The following CSMD1 variants were observed in gnomAD, a reference collection of about 807,000 sequenced individuals.
CSMD1 encodes CUB and sushi domain-containing protein 1.
In CSMD1, 213 loss-of-function variants were observed where a neutral mutation model predicts 417.5. The observed-to-expected ratio is 0.51, with a 90% CI of 0.46 to 0.57. The LOEUF is 0.57. CSMD1 is among the 20% of genes least tolerant of loss of function. The pLI, the probability that CSMD1 is intolerant of heterozygous loss-of-function variation, is 0.00. For missense variants in CSMD1, 6,923 were observed against 4,529.7 expected, an observed-to-expected ratio of 1.53 and a Z score of -15.17; for synonymous variants, 2,862 against 1,736.8, an observed-to-expected ratio of 1.65 and a Z score of -16.11.
chr8:4,406,837 A>C (rs936842778), intron 3 of CSMD1, among the ~76,000 whole-genome samples: 2 of 152,328 alleles, frequency 1.3e-5, no homozygotes, highest in East Asian at 1.9e-4. Context: ...AGTTACAGCA[A>C]AACTATTAAA....
chr8:3,846,090 T>G lies in CSMD1; in HGVS notation c.819-92048A>C, dbSNP rs1192447056. On this transcript the variant is annotated intron_variant, in intron 5 of 69. Transcript: ENST00000635120. ...AAAAAAATAATAAGCAGCAGTAGAC[T>G]TCTATAATAAAAAGTATAGTAATTA... Among the ~76,000 whole-genome samples the G allele has an allele frequency of 1.4e-4, 11 of 76,820 alleles. No homozygotes were observed. In the East Asian group the frequency reaches 3.5e-3, roughly 25 times the overall value. 50.4% of individuals were successfully genotyped at this position (76,820 alleles called of 152,430 possible).
At chr8:3,906,192 G>C (rs1486105588) in intron 5 of CSMD1, among the ~76,000 whole-genome samples, 1 of 152,092 alleles carries the variant, frequency 6.6e-6, no homozygotes, top group African/African-American at 2.4e-5. Context: ...TAATGTAAGT[G>C]AATCACAAGT....
At chr8:4,357,348 C>T (rs774708195) in intron 3 of CSMD1, among the ~76,000 whole-genome samples, 2 of 152,180 alleles carry the variant, frequency 1.3e-5, no homozygotes, top group African/African-American at 2.4e-5. Context: ...CTATTCACAA[C>T]AGGATCGTAG....
chr8:3,140,672 G>C (rs1276970620), intron 41 of CSMD1, among the ~76,000 whole-genome samples: 1 of 151,042 alleles, frequency 6.6e-6, no homozygotes, highest in Non-Finnish European at 1.5e-5. Context: ...AAATATCAAA[G>C]CCCTGTTTCT....
At chr8:4,227,806 A>G (rs1221296292) in intron 3 of CSMD1, among the ~76,000 whole-genome samples, 1 of 147,032 alleles carries the variant, frequency 6.8e-6, no homozygotes, top group South Asian at 2.2e-4. Context: ...CCTACAGTCA[A>G]CCCCACACCA....
chr8:3,100,279 C>T (rs1304634631), intron 46 of CSMD1, among the ~76,000 whole-genome samples: 3 of 152,180 alleles, frequency 2.0e-5, no homozygotes, highest in Non-Finnish European at 4.4e-5. Context: ...GTCTCCAACT[C>T]CTGGGCTCAA....
At chr8:3,291,363 A>T (rs200641059) in intron 25 of CSMD1, among the ~76,000 whole-genome samples, 204 of 2,642 alleles carry the variant, frequency 0.077, 1 homozygote, top group African/African-American at 0.17. Context: ...GAGGATTCCC[A>T]TCTTTTTCTT....
intron 1 of CSMD1, among the ~76,000 whole-genome samples, chr8:4,831,403 C>G (rs1800140487): frequency 6.6e-6 from 1 of 152,182 alleles, no homozygotes; most frequent in Non-Finnish European, 1.5e-5. Flanking sequence ...AAACTGCCGT[C>G]ATTTATTGAA....
chr8:4,531,171 A>C (rs1289742851), intron 2 of CSMD1, among the ~76,000 whole-genome samples: 1 of 152,206 alleles, frequency 6.6e-6, no homozygotes, highest in Non-Finnish European at 1.5e-5. Flanking sequence ...ATCTGTCACC[A>C]AATGTATATA....
intron 2 of CSMD1, among the ~76,000 whole-genome samples, chr8:4,585,094 CTGA>C (rs1799632407): frequency 8.4e-6 from 1 of 119,450 alleles, no homozygotes; most frequent in Admixed American, 8.0e-5. Flanking sequence ...TGATCAAAAA[CTGA>C]GAAAAAAAAA....
intron 1 of CSMD1, among the ~76,000 whole-genome samples, chr8:4,921,862 C>G (rs1448383929): frequency 6.6e-6 from 1 of 152,134 alleles, no homozygotes; most frequent in Non-Finnish European, 1.5e-5. Flanking sequence ...TGAGAGAAAA[C>G]CCAAGAGTGA....
chr8:3,513,116 T>G (rs1797145754), intron 10 of CSMD1, among the ~76,000 whole-genome samples: 1 of 145,396 alleles, frequency 6.9e-6, no homozygotes, highest in Non-Finnish European at 1.5e-5. Context: ...ATGCATTGAA[T>G]TATTATTATT....
intron 11 of CSMD1, among the ~76,000 whole-genome samples, chr8:3,471,536 C>T (rs1350620939): frequency 6.7e-6 from 1 of 149,990 alleles, no homozygotes; most frequent in African/African-American, 2.5e-5. Flanking sequence ...TTCCTTCCTT[C>T]CTTCATCCCT....
At chr8:4,975,689 C>T (rs553064437) in intron 1 of CSMD1, among the ~76,000 whole-genome samples, 3 of 152,266 alleles carry the variant, frequency 2.0e-5, no homozygotes, top group African/African-American at 4.8e-5. Flanking sequence ...AGGCAAAGGG[C>T]TATTACCATT....
rs1302143085 is a variant in CSMD1, at chr8:3,230,170, G to C, written c.4215C>G (p.Asp1405Glu). The C allele has an allele frequency of 5.0e-6, 8 of 1,613,312 alleles. No individual in the cohort carries two copies. The highest frequency in any genetic ancestry group is 4.2e-6 in the Non-Finnish European group (5 of 1,179,632). The change falls in exon 27 of 70, where the codon GAC becomes GAG. Residue 1405 changes from aspartate to glutamate, a missense_variant. Transcript: ENST00000635120. ...GMPQNGTRYG[D>E]SREAGDTVTF... The stretch of plus-strand genomic sequence containing the variant: ...TGACGGTGTCTCCAGCCTCTCTGCT[G>C]TCTCCATAGCGGGTGCCATTTTGGG...
rs3038302 is a variant in CSMD1, at chr8:4,874,388, A to ATTTTTTT, written c.85+119937_85+119943dup. Among the ~76,000 whole-genome samples the ATTTTTTT allele has an allele frequency of 6.7e-5, 9 of 133,524 alleles. 2 individuals carry two copies. Among genetic ancestry groups the ATTTTTTT allele is most frequent in the African/African-American group, 1.1e-4 (4 of 35,278 alleles). The allele number at this position is 133,524 out of a possible 152,430, so 87.6% of individuals were successfully genotyped here. On this transcript the variant is annotated intron_variant, in intron 1 of 69. Transcript: ENST00000635120. ...GGAGGAGATCTTTCAATCCGATTGT[A>ATTTTTTT]TTTTTTTTTTTTTTTTTCTGAGACG...
At chr8:4,437,023 G>C (rs150146735) in intron 2 of CSMD1, among the ~76,000 whole-genome samples, 4 of 152,254 alleles carry the variant, frequency 2.6e-5, no homozygotes, top group African/African-American at 4.8e-5. Flanking sequence ...CTCTATCCCT[G>C]AGATTGAGAC....
chr8:2,956,846 C>G (rs948788623), intron 63 of CSMD1, among the ~76,000 whole-genome samples: 26 of 152,062 alleles, frequency 1.7e-4, no homozygotes, highest in African/African-American at 5.1e-4. Flanking sequence ...CTGATATTAT[C>G]AAGCTCCATA....
chr8:3,978,073 C>A (rs1447932261), intron 5 of CSMD1, among the ~76,000 whole-genome samples: 1 of 152,196 alleles, frequency 6.6e-6, no homozygotes, highest in Non-Finnish European at 1.5e-5. Flanking sequence ...ACTGGAGCAA[C>A]TGTGAAACTC....
Sources: allele counts gnomAD v4.1 joint callset (sites outside exome capture counted in the v4.1 genomes callset), GRCh38; gene constraint gnomAD v4.1.1; transcripts MANE v1.5; gene names NCBI Gene and HGNC (gene_info 2026-07-23, HGNC 2026-07-21).